The following DMD variants were observed in gnomAD, a reference collection of about 807,000 sequenced individuals.
DMD encodes the protein mutant dystrophin.
DMD carries 63 observed loss-of-function variants against 330.1 expected under a neutral mutation model. The ratio of observed to expected loss-of-function variants is 0.19; its 90% CI spans 0.16 to 0.24. The LOEUF (loss-of-function observed/expected upper bound fraction) is 0.24. Ranked by LOEUF, DMD falls within the 10% of genes least tolerant of loss-of-function variation. The pLI, the probability that DMD is intolerant of heterozygous loss-of-function variation, is 1.00. For missense variants in DMD, 3,344 were observed against 2,684.1 expected (o/e 1.25, Z -5.43); for synonymous variants, 1,223 against 959.8 (o/e 1.27, Z -5.07).
rs1251854002 is a variant in DMD, at chrX:32,252,689, T to TATATATAAATATATATAA, written c.6290+34822_6290+34839dup. ...ATATATATATATAAATATATAAATA[T>TATATATAAATATATATAA]ATATATAAATATATATAAATATATA... On this transcript the variant is annotated intron_variant, in intron 43 of 78. Coordinates refer to ENST00000357033, the MANE Select transcript of DMD (RefSeq NM_004006.3). Among the ~76,000 whole-genome samples, 19 of 38,777 alleles carry TATATATAAATATATATAA rather than the reference T, an allele frequency of 4.9e-4. 1 individual carries two copies. Among genetic ancestry groups the TATATATAAATATATATAA allele is most frequent in the African/African-American group, 1.4e-3 (12 of 8,290 alleles). The allele number at this position is 38,777 out of a possible 115,157, so 33.7% of individuals were successfully genotyped here. A position where few individuals can be genotyped will look rare whatever the true frequency, so the allele number is the denominator to read the frequency against.
chrX:32,555,054 T>C (rs1569191413), intron 16 of DMD, among the ~76,000 whole-genome samples: 1 of 109,232 alleles, frequency 9.2e-6, no homozygotes, highest in African/African-American at 3.3e-5. Flanking sequence ...GCAACAATTC[T>C]CAATACCAGC....
At chrX:31,776,501 G>C (rs772543783) in intron 50 of DMD, among the ~76,000 whole-genome samples, 1 of 105,870 alleles carries the variant, frequency 9.4e-6, no homozygotes, top group South Asian at 4.3e-4. Flanking sequence ...TGAGGAACTA[G>C]AGAATTATCA....
At chrX:32,472,079 A>G in intron 22 of DMD, 85 bp downstream of exon 22, 1 of 1,109,926 alleles carries the variant, frequency 9.0e-7, no homozygotes, top group South Asian at 1.8e-5. Flanking sequence ...AGAATGACTT[A>G]AATTCTAATA....
At chrX:31,976,040 G>A (rs1380283349) in intron 44 of DMD, among the ~76,000 whole-genome samples, 1 of 110,722 alleles carries the variant, frequency 9.0e-6, no homozygotes, top group Non-Finnish European at 1.9e-5. Context: ...TGTGGAAGGT[G>A]CTAGTCATCA....
chrX:31,742,192 A>G (rs1170410114), intron 51 of DMD, among the ~76,000 whole-genome samples: 1 of 112,230 alleles, frequency 8.9e-6, no homozygotes, highest in Non-Finnish European at 1.9e-5. Context: ...GACATTCTCC[A>G]TATTAAAAAT....
chrX:32,226,910 ATTG>A (rs1294733260), intron 43 of DMD, among the ~76,000 whole-genome samples: 2 of 110,472 alleles, frequency 1.8e-5, no homozygotes, highest in Middle Eastern at 4.7e-3. Context: ...CAATCACATA[ATTG>A]TTGTTTTCAT....
chrX:33,074,196 C>G (rs2094802902), intron 1 of DMD, among the ~76,000 whole-genome samples: 1 of 111,597 alleles, frequency 9.0e-6, no homozygotes, highest in Non-Finnish European at 1.9e-5. Flanking sequence ...ATAAGGCAAA[C>G]AGCGAGCTGT....
rs1603437199 is a variant in DMD, at chrX:32,816,500, G to T, written c.498C>A (p.Gly166=). ...TATGGATGAGAGCATTCAAAGCCAG[G>T]CCATCAGACCAGCTGGTGGTGAAGT... ...VINFTTSWSD[G]LALNALIHSH... The change falls in exon 6 of 79, where the codon GGC becomes GGA. Residue 166 remains glycine (G), a synonymous_variant. Transcript: ENST00000357033. 2.0e-5 allele frequency: 24 copies of T among 1,211,271 alleles called. No homozygotes were observed. Among genetic ancestry groups the T allele is most frequent in the Non-Finnish European group, 2.7e-5 (24 of 895,155 alleles).
At chrX:32,532,980 A>G (rs2047621359) in intron 17 of DMD, among the ~76,000 whole-genome samples, 1 of 112,309 alleles carries the variant, frequency 8.9e-6, no homozygotes, top group Non-Finnish European at 1.9e-5. Flanking sequence ...AGTCATGCTC[A>G]TTCATTTATA....
intron 62 of DMD, among the ~76,000 whole-genome samples, chrX:31,322,628 A>G (rs2056504813): frequency 8.9e-6 from 1 of 112,023 alleles, no homozygotes; most frequent in Admixed American, 9.5e-5. Flanking sequence ...ATAAAATCAA[A>G]TTTCTTGAGG....
chrX:31,749,150 A>G (rs758171340), intron 51 of DMD, among the ~76,000 whole-genome samples: 136 of 109,730 alleles, frequency 1.2e-3, no homozygotes, highest in African/African-American at 4.4e-3. Context: ...TATTATTATT[A>G]TTATTATTAT....
At position 31,673,123 on chromosome X, in the gene DMD, C is replaced by T. The variant is rs191111856; in HGVS notation, c.7872+6252G>A. Among the ~76,000 whole-genome samples, 341 of 112,220 alleles carry T rather than the reference C, an allele frequency of 3.0e-3. 2 individuals carry two copies. The highest frequency in any genetic ancestry group is 0.01 in the African/African-American group (319 of 30,874). On this transcript the variant is annotated intron_variant, in intron 53 of 78. Transcript: ENST00000357033. ...TTTGAAGAATTCCAATCCTGGTCTA[C>T]ACTCTCTGGTGGCTAAAAGGCTGCT...
At chrX:31,439,792 A>G (rs1447671028) in intron 60 of DMD, among the ~76,000 whole-genome samples, 3 of 112,014 alleles carry the variant, frequency 2.7e-5, no homozygotes, top group East Asian at 5.6e-4. Flanking sequence ...TTTCAAAATT[A>G]GAAAGGTTTA....
At chrX:32,528,183 C>A (rs1309292378) in intron 17 of DMD, among the ~76,000 whole-genome samples, 1 of 110,790 alleles carries the variant, frequency 9.0e-6, no homozygotes, top group East Asian at 2.8e-4. Context: ...GTGGTGGGCA[C>A]CTGTAATCCC....
intron 52 of DMD, among the ~76,000 whole-genome samples, chrX:31,705,122 C>T (rs73457896): frequency 0.013 from 1,507 of 112,229 alleles, 16 homozygotes; most frequent in African/African-American, 0.045. Flanking sequence ...GTGACACCGT[C>T]TAATCTGGGC....
chrX:32,944,043 C>G (rs1195670084), intron 2 of DMD, among the ~76,000 whole-genome samples: 1 of 111,369 alleles, frequency 9.0e-6, no homozygotes, highest in East Asian at 2.8e-4. Context: ...TTTCCATTGT[C>G]TATCATTCCA....
intron 60 of DMD, among the ~76,000 whole-genome samples, chrX:31,368,282 G>C (rs2059365636): frequency 8.9e-6 from 1 of 112,348 alleles, no homozygotes; most frequent in Non-Finnish European, 1.9e-5. Context: ...AGCTTTGATA[G>C]AAAAACTTCT....
chrX:31,588,202 T>G (rs138144880), intron 55 of DMD, among the ~76,000 whole-genome samples: 7,946 of 111,745 alleles, frequency 0.071, 254 homozygotes, highest in African/African-American at 0.12. Flanking sequence ...CTTGAGGTCC[T>G]TGGAAGGCCA....
intron 44 of DMD, among the ~76,000 whole-genome samples, chrX:32,021,266 C>G (rs1474638179): frequency 8.9e-6 from 1 of 111,958 alleles, no homozygotes; most frequent in African/African-American, 3.2e-5. Flanking sequence ...GAAAAGAATT[C>G]ACAGAGAAGA....
Sources: gnomAD v4.1 joint callset for allele counts (sites outside exome capture counted in the v4.1 genomes callset) on GRCh38, gnomAD v4.1.1 for gene constraint, MANE v1.5 for transcripts, NCBI Gene and HGNC (gene_info 2026-07-23, HGNC 2026-07-21) for gene names.